The following SPATA17 variants were observed in gnomAD, a reference collection of about 807,000 sequenced individuals.
SPATA17 encodes the protein spermatogenesis-associated protein 17.
Under a neutral mutation model 62.2 loss-of-function variants are expected in SPATA17, and 53 were observed. The ratio of observed to expected loss-of-function variants is 0.85; its 90% CI spans 0.68 to 1.07. SPATA17 has a LOEUF of 1.07. Ranked by LOEUF, SPATA17 falls within the 50% of genes least tolerant of loss-of-function variation. The pLI is 0.00. For missense variants in SPATA17, 466 were observed against 425.5 expected, an observed-to-expected ratio of 1.10 and a Z score of -0.84; for synonymous variants, 146 against 146.8, an observed-to-expected ratio of 0.99 and a Z score of 0.04.
intron 1 of SPATA17, among the ~76,000 whole-genome samples, chr1:217,643,457 T>C (rs1670111507): frequency 6.6e-6 from 1 of 152,084 alleles, no homozygotes; most frequent in Non-Finnish European, 1.5e-5. Context: ...AGGCCTTCTG[T>C]CCATGGGACA....
intron 7 of SPATA17, among the ~76,000 whole-genome samples, chr1:217,778,060 T>C (rs975581244): frequency 1.1e-4 from 17 of 152,172 alleles, no homozygotes; most frequent in Non-Finnish European, 1.9e-4. Context: ...CATATAACTT[T>C]GCATCAACAA....
intron 5 of SPATA17, among the ~76,000 whole-genome samples, chr1:217,702,127 C>A (rs932437011): frequency 3.4e-4 from 51 of 151,752 alleles, no homozygotes; most frequent in African/African-American, 1.2e-3. Context: ...TAAAATTTTA[C>A]ATAAATGCTA....
intron 8 of SPATA17, among the ~76,000 whole-genome samples, chr1:217,787,000 C>G (rs1673888194): frequency 6.6e-6 from 1 of 152,082 alleles, no homozygotes; most frequent in Non-Finnish European, 1.5e-5. Flanking sequence ...TTTCCTGCAT[C>G]TTTTCTTGAG....
intron 7 of SPATA17, among the ~76,000 whole-genome samples, chr1:217,776,648 G>C (rs1283840795): frequency 6.7e-6 from 1 of 149,468 alleles, no homozygotes; most frequent in Non-Finnish European, 1.5e-5. Flanking sequence ...CAACCAGCCT[G>C]GGCAACATAG....
Position 217,651,184 on chromosome 1 carries a change from T to C in SPATA17, c.240+6T>C. 4 of 1,587,506 alleles carry C rather than the reference T, an allele frequency of 2.5e-6. No homozygotes were observed. Among genetic ancestry groups the C allele is most frequent in the Non-Finnish European group, 3.4e-6 (4 of 1,164,024 alleles). On this transcript the variant is annotated splice_donor_region_variant and intron_variant, in intron 3 of 10. Coordinates refer to ENST00000366933, the MANE Select transcript of SPATA17 (RefSeq NM_138796.4). ...AATATCAACTAACTGTGCAGGTAAA[T>C]ATAAAATGTACATATGTTAGCATTT...
intron 1 of SPATA17, among the ~76,000 whole-genome samples, chr1:217,634,063 A>G (rs114242198): frequency 0.041 from 6,310 of 152,246 alleles, 197 homozygotes; most frequent in Middle Eastern, 0.095. Flanking sequence ...CCCACAGGGA[A>G]TGTTTGGTGT....
intron 4 of SPATA17, among the ~76,000 whole-genome samples, chr1:217,674,212 A>G (rs1462781153): frequency 1.3e-5 from 2 of 152,176 alleles, no homozygotes; most frequent in Non-Finnish European, 2.9e-5. Context: ...GGAAGCAAGG[A>G]TTTAAAAAAG....
chr1:217,850,785 G>A (rs1675633263), intron 9 of SPATA17, among the ~76,000 whole-genome samples: 1 of 152,054 alleles, frequency 6.6e-6, no homozygotes, highest in Admixed American at 6.6e-5. Context: ...ATTTGAATGT[G>A]GTAGATGTAG....
chr1:217,745,170 A>G (rs769081043), intron 6 of SPATA17, among the ~76,000 whole-genome samples: 31 of 152,198 alleles, frequency 2.0e-4, no homozygotes, highest in Non-Finnish European at 2.8e-4. Flanking sequence ...TTGTATTCTC[A>G]AATCGCTTCC....
At chr1:217,708,155 C>T (rs977481453) in intron 5 of SPATA17, among the ~76,000 whole-genome samples, 1 of 152,050 alleles carries the variant, frequency 6.6e-6, no homozygotes, top group Non-Finnish European at 1.5e-5. Context: ...ACTAGAGAAA[C>T]AAGAACACAT....
intron 10 of SPATA17, among the ~76,000 whole-genome samples, chr1:217,864,888 C>T (rs974612043): frequency 5.3e-5 from 8 of 151,974 alleles, no homozygotes; most frequent in African/African-American, 1.9e-4. Context: ...AGATGAGTAA[C>T]AAATGGTGTA....
chr1:217,648,904 A>G lies in SPATA17; in HGVS notation c.91A>G (p.Lys31Glu), dbSNP rs1432479169. 1.2e-6 allele frequency: 2 copies of G among 1,608,618 alleles called. No homozygotes were observed. The highest frequency in any genetic ancestry group is 3.4e-5 in the Admixed American group (2 of 58,872). ...TAGTGTTGTAGATCCATTTAGAAAAAAGGAGAATGATGCAGCAGTTAAAAT... is the reference window on the plus strand; with the variant it reads ...TAGTGTTGTAGATCCATTTAGAAAAGAGGAGAATGATGCAGCAGTTAAAAT... ...RNSVVDPFRK[K>E]ENDAAVKIQS... Residue 31 changes from lysine to glutamate, a missense_variant, in exon 2 of 11, where the codon AAG becomes GAG. Lys to Glu is a moderately conservative substitution (Grantham distance 56). Transcript: ENST00000366933.
intron 9 of SPATA17, among the ~76,000 whole-genome samples, chr1:217,849,466 T>C (rs185799736): frequency 1.3e-4 from 20 of 152,262 alleles, no homozygotes; most frequent in African/African-American, 4.3e-4. Flanking sequence ...AACAAACTTA[T>C]ACAATTTAGT....
chr1:217,749,985 C>CTCTCTCTCTCTCTCTCTCTA, intron 6 of SPATA17, among the ~76,000 whole-genome samples: 2 of 12,314 alleles, frequency 1.6e-4, no homozygotes, highest in Non-Finnish European at 1.6e-4. Context: ...CTCTCTCTCT[C>CTCTCTCTCTCTCTCTCTCTA]TATATATATA....
At chr1:217,860,854 T>C (rs1388468132) in intron 9 of SPATA17, among the ~76,000 whole-genome samples, 1 of 152,180 alleles carries the variant, frequency 6.6e-6, no homozygotes, top group African/African-American at 2.4e-5. Context: ...AGTTGATCAA[T>C]ATATACCAAA....
chr1:217,801,587 G>A lies in SPATA17; in HGVS notation c.873-131G>A, dbSNP rs1558056609. 4 of 630,278 alleles carry A rather than the reference G, an allele frequency of 6.3e-6. No individual in the cohort carries two copies. In the East Asian group the frequency reaches 9.3e-5, roughly 15 times the overall value. The allele number at this position is 630,278 out of a possible 1,614,324, so 39.0% of individuals were successfully genotyped here. A position where few individuals can be genotyped will look rare whatever the true frequency, so the allele number is the denominator to read the frequency against. On this transcript the variant is annotated intron_variant, in intron 8 of 10. Transcript: ENST00000366933. ...GATAATCAGTGGCAGAGGTTGAAATGGAATCTAGGTATTCTGATTCTAAAT... is the reference window on the plus strand; with the variant it reads ...GATAATCAGTGGCAGAGGTTGAAATAGAATCTAGGTATTCTGATTCTAAAT...
intron 3 of SPATA17, among the ~76,000 whole-genome samples, chr1:217,656,515 A>G (rs1670445240): frequency 6.6e-6 from 1 of 152,052 alleles, no homozygotes; most frequent in African/African-American, 2.4e-5. Flanking sequence ...TAAATCTGGT[A>G]AGCTCTAAGC....
In SPATA17 at chr1:217,631,452, T is replaced by C; in HGVS notation, c.68+6T>C. 6.2e-7 allele frequency: 1 copy of C among 1,614,072 alleles called. No homozygotes were observed. The highest frequency in any genetic ancestry group is 8.5e-7 in the Non-Finnish European group (1 of 1,179,976). On this transcript the variant is annotated splice_donor_region_variant and intron_variant, in intron 1 of 10. Coordinates refer to ENST00000366933, the MANE Select transcript of SPATA17 (RefSeq NM_138796.4). ...CAGTACTACTTTAGGAACAGGTAAG[T>C]CAGGAAGAGAAGGATCGCGTAAAGG... is the stretch of plus-strand genomic sequence containing the variant.
intron 9 of SPATA17, among the ~76,000 whole-genome samples, chr1:217,824,423 A>G (rs1674938633): frequency 6.6e-6 from 1 of 151,448 alleles, no homozygotes; most frequent in Non-Finnish European, 1.5e-5. Flanking sequence ...ATAATTGTAC[A>G]ATAAATTCTC....
Sources: allele counts gnomAD v4.1 joint callset (sites outside exome capture counted in the v4.1 genomes callset), GRCh38; gene constraint gnomAD v4.1.1; transcripts MANE v1.5; gene names NCBI Gene and HGNC (gene_info 2026-07-23, HGNC 2026-07-21).